ZFYVE21: variants seen among roughly 807,000 people sequenced by gnomAD.
The protein encoded by ZFYVE21 is zinc finger FYVE domain-containing protein 21.
ZFYVE21 carries 21 observed loss-of-function variants against 29.5 expected under a neutral mutation model. The ratio of observed to expected loss-of-function variants is 0.71; its 90% CI spans 0.50 to 1.02. The LOEUF (loss-of-function observed/expected upper bound fraction) is 1.02. Among genes scored for constraint, ZFYVE21 ranks in the 50% least tolerant of loss-of-function variants. ZFYVE21 has a pLI of 0.00. For missense variants in ZFYVE21, 326 were observed against 335.4 expected, an observed-to-expected ratio of 0.97 and a Z score of 0.22; for synonymous variants, 151 against 133.8, an observed-to-expected ratio of 1.13 and a Z score of -0.89.
chr14:103,733,300 A>G lies in ZFYVE21; in HGVS notation c.*282A>G. The G allele has an allele frequency of 2.4e-6, 1 of 414,806 alleles. No individual in the cohort carries two copies. Among genetic ancestry groups the G allele is most frequent in the Non-Finnish European group, 4.4e-6 (1 of 228,638 alleles). 25.7% of individuals were successfully genotyped at this position (414,806 alleles called of 1,614,324 possible). On this transcript the variant is annotated 3_prime_UTR_variant, in exon 7 of 7. Coordinates refer to ENST00000311141, the MANE Select transcript of ZFYVE21 (RefSeq NM_024071.4). ...ACACTACTGCTAAACTATTTTTAGCATAATATATACCATTTTTATGAGTTC... is the reference window on the plus strand; with the variant it reads ...ACACTACTGCTAAACTATTTTTAGCGTAATATATACCATTTTTATGAGTTC...
intron 1 of ZFYVE21, among the ~76,000 whole-genome samples, chr14:103,720,303 T>C (rs1463063027): frequency 6.6e-6 from 1 of 152,200 alleles, no homozygotes; most frequent in East Asian, 1.9e-4. Flanking sequence ...TTTGTAGGAG[T>C]TACGCTCTAC....
At chr14:103,720,950 G>A (rs2083867230) in intron 1 of ZFYVE21, among the ~76,000 whole-genome samples, 1 of 152,146 alleles carries the variant, frequency 6.6e-6, no homozygotes, top group Non-Finnish European at 1.5e-5. Context: ...AGCCTCCCGA[G>A]TAGCTGGGAC....
In ZFYVE21 at chr14:103,716,138, G is replaced by C. The variant is rs916724280; in HGVS notation, c.138+159G>C. Among the ~76,000 whole-genome samples, 4 of 151,506 alleles carry C rather than the reference G, an allele frequency of 2.6e-5. No individual in the cohort carries two copies. Among genetic ancestry groups the C allele is most frequent in the Non-Finnish European group, 4.4e-5 (3 of 67,824 alleles). ...TCTCTCCCAGGTTGGCCGCGTCCCC[G>C]GGCCGCCGCCTCAGGCTCCTACGCC... is the stretch of plus-strand genomic sequence containing the variant. On this transcript the variant is annotated intron_variant, in intron 1 of 6. Transcript: ENST00000311141. The surrounding 1 kb of genome is among the most constrained non-coding windows in gnomAD (Gnocchi z 4.8).
intron 1 of ZFYVE21, among the ~76,000 whole-genome samples, chr14:103,724,292 C>T (rs926174157): frequency 6.6e-6 from 1 of 152,270 alleles, no homozygotes; most frequent in African/African-American, 2.4e-5. Flanking sequence ...TGTTCGCCGG[C>T]CCAGGGTTGG....
At chr14:103,729,633 G>A in intron 5 of ZFYVE21, 1 of 899,068 alleles carries the variant, frequency 1.1e-6, no homozygotes. Context: ...GCCCATCCTG[G>A]GCCTCTCCAC....
chr14:103,724,688 C>T (rs1567069867), intron 1 of ZFYVE21: 1 of 152,266 alleles, frequency 6.6e-6, no homozygotes, highest in Non-Finnish European at 1.5e-5. Context: ...CATCAGAAGC[C>T]AAAAGACCCT....
Position 103,716,623 on chromosome 14 carries a change from G to A in ZFYVE21, c.138+644G>A, listed in dbSNP as rs1199266042. Among the ~76,000 whole-genome samples, 4 of 152,190 alleles carry A rather than the reference G, an allele frequency of 2.6e-5. No individual in the cohort carries two copies. Among genetic ancestry groups the A allele is most frequent in the African/African-American group, 9.7e-5 (4 of 41,448 alleles). Reference sequence around the variant, plus strand: ...GAAGCGAGGTCGCAGTCGCCCACTGGACAGTTTGAAGGAGACCGCAGATTT... The same window carrying A: ...GAAGCGAGGTCGCAGTCGCCCACTGAACAGTTTGAAGGAGACCGCAGATTT... On this transcript the variant is annotated intron_variant, in intron 1 of 6. Coordinates refer to ENST00000311141, the MANE Select transcript of ZFYVE21 (RefSeq NM_024071.4). The surrounding 1 kb of genome is among the most constrained non-coding windows in gnomAD (Gnocchi z 4.8).
intron 3 of ZFYVE21, among the ~76,000 whole-genome samples, chr14:103,728,247 C>G (rs1389535513): frequency 6.6e-6 from 1 of 152,196 alleles, no homozygotes; most frequent in East Asian, 1.9e-4. Context: ...TGTGGCTCCT[C>G]GGAGGGGCCG....
rs182673740 is a variant in ZFYVE21, at chr14:103,716,600, A to G, written c.138+621A>G. Among the ~76,000 whole-genome samples the G allele has an allele frequency of 3.9e-5, 6 of 152,330 alleles. No homozygotes were observed. In the East Asian group the frequency reaches 9.7e-4, roughly 25 times the overall value. On this transcript the variant is annotated intron_variant, in intron 1 of 6. Transcript: ENST00000311141. The surrounding 1 kb of genome is among the most constrained non-coding windows in gnomAD (Gnocchi z 4.8). ...CGTCTATACCACCCTCCACCTCGGA[A>G]GCGAGGTCGCAGTCGCCCACTGGAC...
chr14:103,732,596 T>C, intron 5 of ZFYVE21, 24 bp from the exon 6 acceptor site: 1 of 1,543,838 alleles, frequency 6.5e-7, no homozygotes, highest in Non-Finnish European at 8.7e-7. Context: ...CTTTGGGCCG[T>C]CTTACCTCGT....
intron 2 of ZFYVE21, chr14:103,727,395 CGTGCCGCTTTG>C: frequency 4.9e-6 from 2 of 407,032 alleles, no homozygotes; most frequent in South Asian, 1.9e-5. Context: ...GCCCCGTCCC[CGTGCCGCTTTG>C]CCCTCGTGAA....
chr14:103,718,462 G>A lies in ZFYVE21; in HGVS notation c.138+2483G>A, dbSNP rs1271330099. Among the ~76,000 whole-genome samples, 4 of 152,312 alleles carry A rather than the reference G, an allele frequency of 2.6e-5. No individual in the cohort carries two copies. The East Asian group carries it at 7.7e-4, about 29-fold the overall frequency. On this transcript the variant is annotated intron_variant, in intron 1 of 6. Transcript: ENST00000311141. ...GCTCTCAGATTCTCAAGGCTCTGAC[G>A]CAGAACCAGTTGAGAATCGTTTCTC... is the stretch of plus-strand genomic sequence containing the variant.
rs1455644830 is a variant in ZFYVE21, at chr14:103,727,931, T to A, written c.358+17T>A. On this transcript the variant is annotated intron_variant, in intron 3 of 6. Transcript: ENST00000311141. ...TCCTGAGCGGTAAGGACGGGTGTCC[T>A]GCACAGTCCCGCGCGCTCCGCCAGC... The A allele has an allele frequency of 6.3e-7, 1 of 1,592,216 alleles. No homozygotes were observed. Among genetic ancestry groups the A allele is most frequent in the African/African-American group, 1.3e-5 (1 of 74,492 alleles).
chr14:103,728,795 T>C, intron 3 of ZFYVE21, 113 bp from the exon 4 acceptor site: 1 of 1,020,658 alleles, frequency 9.8e-7, no homozygotes, highest in Non-Finnish European at 1.5e-6. Context: ...GTGGTTTGTT[T>C]CTTGCTGTTT....
rs774395784 is a variant in ZFYVE21, at chr14:103,733,021, C to G, written c.*3C>G. On this transcript the variant is annotated 3_prime_UTR_variant, in exon 7 of 7. Coordinates refer to ENST00000311141, the MANE Select transcript of ZFYVE21 (RefSeq NM_024071.4). ...TCTATGAATCTCGGGACCAGTAACT[C>G]TACGTGGGGCTGAGCTTGGAGTACG... The G allele has an allele frequency of 1.9e-6, 3 of 1,614,006 alleles. No homozygotes were observed. Among genetic ancestry groups the G allele is most frequent in the African/African-American group, 2.7e-5 (2 of 74,928 alleles).
intron 2 of ZFYVE21, chr14:103,727,493 G>T: frequency 3.1e-6 from 2 of 641,956 alleles, no homozygotes; most frequent in Admixed American, 2.1e-5. Context: ...GACTTGGGTA[G>T]TTGAAAGAAA....
intron 1 of ZFYVE21, among the ~76,000 whole-genome samples, chr14:103,719,773 C>T (rs565237233): frequency 1.3e-5 from 2 of 152,172 alleles, no homozygotes; most frequent in Non-Finnish European, 2.9e-5. Flanking sequence ...TCATGAGATA[C>T]TGCCAGGGAC....
At chr14:103,722,663 C>CA (rs375250761) in intron 1 of ZFYVE21, among the ~76,000 whole-genome samples, 8 of 151,728 alleles carry the variant, frequency 5.3e-5, no homozygotes, top group African/African-American at 1.7e-4. Flanking sequence ...ACTAAAAATA[C>CA]AAAAAATTAG....
At position 103,715,967 on chromosome 14, in the gene ZFYVE21, C is replaced by T. The variant is rs1456381110; in HGVS notation, c.126C>T (p.Val42=). Residue 42 remains valine (V), a synonymous_variant, in exon 1 of 7, where the codon GTC becomes GTT. Coordinates refer to ENST00000311141, the MANE Select transcript of ZFYVE21 (RefSeq NM_024071.4). The part of the protein sequence containing the change: ...SPFGLEEPQW[V]PDKECRRCMQ... The stretch of plus-strand genomic sequence containing the variant: ...TCGGCCTGGAGGAGCCGCAGTGGGT[C>T]CCGGACAAGGAGGTGGGTGGCCGTC... The T allele has an allele frequency of 7.3e-7, 1 of 1,367,554 alleles. No homozygotes were observed. Among genetic ancestry groups the T allele is most frequent in the Non-Finnish European group, 9.6e-7 (1 of 1,045,314 alleles). 84.7% of individuals were successfully genotyped at this position (1,367,554 alleles called of 1,614,324 possible).
Sources: gnomAD v4.1 joint callset for allele counts (sites outside exome capture counted in the v4.1 genomes callset) on GRCh38, gnomAD v4.1.1 for gene constraint, Gnocchi (gnomAD v3.1) non-coding constraint, MANE v1.5 for transcripts, NCBI Gene and HGNC (gene_info 2026-07-23, HGNC 2026-07-21) for gene names.